The following SPACA7 variants were observed in gnomAD, a reference collection of about 807,000 sequenced individuals.
SPACA7 encodes sperm acrosome associated 7, also known as sperm acrosome-associated protein 7.
Under a neutral mutation model 26.3 loss-of-function variants are expected in SPACA7, and 19 were observed. The ratio of observed to expected loss-of-function variants is 0.72; its 90% confidence interval spans 0.50 to 1.06. The LOEUF (loss-of-function observed/expected upper bound fraction) is 1.06, where lower values mean the gene tolerates loss of function less well. Among genes scored for constraint, SPACA7 ranks in the 50% least tolerant of loss-of-function variants. The pLI is 0.00. For missense variants in SPACA7, 211 were observed against 229.9 expected, an observed-to-expected ratio of 0.92 and a Z score of 0.53; for synonymous variants, 84 against 84.5, an observed-to-expected ratio of 0.99 and a Z score of 0.04.
rs1344474421 is a variant in SPACA7 at position 112,401,232 on chromosome 13, G to A, written c.445+68G>A. ...GGAGGCATGAGTGTGTGAGGTGACT[G>A]TCTCCCTCCAGCCTCGCCAGTATGC... On this transcript the variant is annotated intron_variant, in intron 5 of 6. Transcript: ENST00000283550. 4.8e-6 allele frequency: 6 copies of A among 1,260,518 alleles called. No homozygotes were observed. The East Asian group carries it at 1.2e-4, about 24-fold the overall frequency. The allele number at this position is 1,260,518 out of a possible 1,614,324, so 78.1% of individuals were successfully genotyped here. A position where few individuals can be genotyped will look rare whatever the true frequency, so the allele number is the denominator to read the frequency against.
rs558565554 is a variant in SPACA7 at position 112,419,220 on chromosome 13, G to A, written c.446-13224G>A. 3.0e-4 allele frequency among the ~76,000 whole-genome samples: 45 copies of A among 152,276 alleles called. 1 individual carries two copies. In the Middle Eastern group the frequency reaches 0.01, roughly 35 times the overall value. Reference sequence around the variant, plus strand: ...TTTCTCATTTTTGGCCAAGCAGGAGGAAAACAGGTCACCACCATACAAGTG... The same window carrying A: ...TTTCTCATTTTTGGCCAAGCAGGAGAAAAACAGGTCACCACCATACAAGTG... On this transcript the variant is annotated intron_variant, in intron 5 of 6. Transcript: ENST00000283550.
intron 1 of SPACA7, among the ~76,000 whole-genome samples, chr13:112,388,079 T>C (rs2138892373): frequency 6.6e-6 from 1 of 152,282 alleles, no homozygotes; most frequent in African/African-American, 2.4e-5. Flanking sequence ...GGGTTCTGAG[T>C]TAGGCCTGCT....
intron 5 of SPACA7, among the ~76,000 whole-genome samples, chr13:112,419,353 C>T (rs1200880618): frequency 6.6e-6 from 1 of 152,176 alleles, no homozygotes; most frequent in Non-Finnish European, 1.5e-5. Flanking sequence ...ACAAGGTCTT[C>T]TCCATAGGTC....
intron 2 of SPACA7, among the ~76,000 whole-genome samples, chr13:112,396,541 A>G (rs1027995256): frequency 7.2e-5 from 11 of 152,146 alleles, no homozygotes; most frequent in African/African-American, 2.7e-4. Context: ...TTGGCCCCCC[A>G]GTGCCTGTGC....
At chr13:112,383,169 GAAAGAAAGAAAGAAAGAAAGAAAGA>G (rs1884293640) in intron 1 of SPACA7, among the ~76,000 whole-genome samples, 4 of 114,866 alleles carry the variant, frequency 3.5e-5, no homozygotes, top group Admixed American at 1.8e-4. Context: ...AAGAAAGAAA[GAAAGAAAGAAAGAAAGAAAGAAAGA>G]AAAGAAAGAA....
chr13:112,390,733 C>G (rs951915345), intron 1 of SPACA7, among the ~76,000 whole-genome samples: 1 of 152,208 alleles, frequency 6.6e-6, no homozygotes, highest in Non-Finnish European at 1.5e-5. Flanking sequence ...CTCAGGAAAA[C>G]TCACTATCAC....
intron 5 of SPACA7, among the ~76,000 whole-genome samples, chr13:112,422,243 A>G (rs1403130232): frequency 6.6e-6 from 1 of 152,200 alleles, no homozygotes; most frequent in Non-Finnish European, 1.5e-5. Flanking sequence ...AAGACACACA[A>G]TAAACTCAAA....
At chr13:112,422,940 C>T (rs1043636691) in intron 5 of SPACA7, among the ~76,000 whole-genome samples, 1 of 152,164 alleles carries the variant, frequency 6.6e-6, no homozygotes, top group African/African-American at 2.4e-5. Flanking sequence ...AAATCAGATT[C>T]ATTGAACAAA....
chr13:112,405,242 A>G (rs1488399273), intron 5 of SPACA7, among the ~76,000 whole-genome samples: 2 of 151,660 alleles, frequency 1.3e-5, no homozygotes, highest in Admixed American at 6.6e-5. Flanking sequence ...TGTCACTAAT[A>G]TTACCTTCTT....
At chr13:112,379,904 T>A (rs1005416585) in intron 1 of SPACA7, among the ~76,000 whole-genome samples, 1 of 152,218 alleles carries the variant, frequency 6.6e-6, no homozygotes, top group Non-Finnish European at 1.5e-5. Context: ...TTAAGTTAAA[T>A]GACAGTAAAG....
chr13:112,404,928 A>G (rs945495889), intron 5 of SPACA7, among the ~76,000 whole-genome samples: 5 of 150,104 alleles, frequency 3.3e-5, no homozygotes, highest in Admixed American at 1.3e-4. Flanking sequence ...ATAAATTTTA[A>G]GACAAAATCC....
chr13:112,383,026 A>AAGAGAGAGAGAGAGAGAGAAAG (rs1555324355), intron 1 of SPACA7, among the ~76,000 whole-genome samples: 1 of 95,220 alleles, frequency 1.1e-5, no homozygotes, highest in Non-Finnish European at 2.5e-5. Context: ...GAAAGAAAGA[A>AAGAGAGAGAGAGAGAGAGAAAG]AGAGAGAGAG....
rs869183760 is a variant in SPACA7, at chr13:112,414,388, C to CTT, written c.445+13263_445+13264dup. On this transcript the variant is annotated intron_variant, in intron 5 of 6. Coordinates refer to ENST00000283550, the MANE Select transcript of SPACA7 (RefSeq NM_145248.5). ...AAGTTTCTGAATGGCTTTTCTGTGT[C>CTT]TTTTTTTTTTTTTTTTTTTTTTTTT... 9.6e-5 allele frequency among the ~76,000 whole-genome samples: 3 copies of CTT among 31,396 alleles called. 1 individual carries two copies. Among genetic ancestry groups the CTT allele is most frequent in the Non-Finnish European group, 1.7e-4 (3 of 17,230 alleles). 20.6% of individuals were successfully genotyped at this position (31,396 alleles called of 152,430 possible).
chr13:112,399,297 C>T, intron 4 of SPACA7, 124 bp downstream of exon 4: 1 of 689,816 alleles, frequency 1.4e-6, no homozygotes, highest in South Asian at 1.6e-5. Context: ...AGAATGTGCC[C>T]ACTTCCCCTG....
chr13:112,426,660 A>G (rs994812853), intron 5 of SPACA7, among the ~76,000 whole-genome samples: 3 of 152,218 alleles, frequency 2.0e-5, no homozygotes, highest in Admixed American at 6.5e-5. Flanking sequence ...ATTATTATAA[A>G]TGGCACTTTT....
At chr13:112,419,417 T>C (rs1322675700) in intron 5 of SPACA7, among the ~76,000 whole-genome samples, 5 of 152,200 alleles carry the variant, frequency 3.3e-5, no homozygotes, top group African/African-American at 4.8e-5. Flanking sequence ...CAGAGGCATG[T>C]AGGGAATGAT....
At chr13:112,383,044 GACAGAAGGAAAGAA>G (rs1217583365) in intron 1 of SPACA7, among the ~76,000 whole-genome samples, 91 of 142,886 alleles carry the variant, frequency 6.4e-4, no homozygotes, top group East Asian at 1.2e-3. Context: ...GAGAGAGAAA[GACAGAAGGAAAGAA>G]AGAGACAGAA....
chr13:112,382,785 C>T (rs567671144), intron 1 of SPACA7, among the ~76,000 whole-genome samples: 114 of 151,892 alleles, frequency 7.5e-4, no homozygotes, highest in African/African-American at 2.4e-3. Context: ...GTCAGGAGTT[C>T]GAGACCAGCC....
chr13:112,379,241 C>A (rs577979538), intron 1 of SPACA7, among the ~76,000 whole-genome samples: 2 of 152,162 alleles, frequency 1.3e-5, no homozygotes, highest in South Asian at 2.1e-4. Context: ...TCTAATAGTG[C>A]AATCTTAGAG....
Sources: allele counts gnomAD v4.1 joint callset (sites outside exome capture counted in the v4.1 genomes callset), GRCh38; gene constraint gnomAD v4.1.1; transcripts MANE v1.5; gene names NCBI Gene and HGNC (gene_info 2026-07-23, HGNC 2026-07-21).